MAGI2: variants seen among roughly 807,000 people sequenced by gnomAD.
MAGI2 encodes the protein membrane associated guanylate kinase, WW and PDZ domain containing 2.
Under a neutral mutation model 133.3 loss-of-function variants are expected in MAGI2, and 35 were observed. That is an observed-to-expected ratio of 0.26 (90% CI 0.20 to 0.35). The LOEUF (loss-of-function observed/expected upper bound fraction) is 0.35. MAGI2 is among the 10% of genes least tolerant of loss of function. The probability of loss-of-function intolerance (pLI) is 1.00; values close to 1 mark genes in which losing one functional copy is unlikely to be tolerated. For missense variants in MAGI2, 1,636 were observed against 1,863.4 expected (o/e 0.88, Z 2.25); for synonymous variants, 729 against 710.6 (o/e 1.03, Z -0.41).
chr7:78,712,532 A>G (rs1160657910), intron 2 of MAGI2, among the ~76,000 whole-genome samples: 5 of 152,214 alleles, frequency 3.3e-5, no homozygotes, highest in Non-Finnish European at 2.9e-5. Flanking sequence ...AGCTAAACTA[A>G]CCGGGGAAAG....
At chr7:78,190,272 G>A (rs947824806) in intron 12 of MAGI2, among the ~76,000 whole-genome samples, 9 of 152,044 alleles carry the variant, frequency 5.9e-5, no homozygotes, top group Non-Finnish European at 1.3e-4. Flanking sequence ...TCACTAATAA[G>A]CCTTTACCTC....
chr7:78,945,431 T>C (rs1227461755), intron 2 of MAGI2, among the ~76,000 whole-genome samples: 1 of 152,182 alleles, frequency 6.6e-6, no homozygotes, highest in Non-Finnish European at 1.5e-5. Context: ...TTGAAGCACA[T>C]ATACATTGTG....
chr7:79,339,580 C>T (rs766788229), intron 1 of MAGI2, among the ~76,000 whole-genome samples: 2 of 149,262 alleles, frequency 1.3e-5, no homozygotes, highest in Non-Finnish European at 3.0e-5. Flanking sequence ...ACTTTTTCTT[C>T]TAATCCACAC....
intron 2 of MAGI2, among the ~76,000 whole-genome samples, chr7:78,954,004 T>C (rs947454534): frequency 6.6e-6 from 1 of 152,186 alleles, no homozygotes; most frequent in East Asian, 1.9e-4. Flanking sequence ...AACAATCCCT[T>C]CCTGTAGTTA....
intron 6 of MAGI2, among the ~76,000 whole-genome samples, chr7:78,437,306 G>T (rs1478456499): frequency 3.3e-5 from 5 of 152,276 alleles, no homozygotes; most frequent in African/African-American, 9.6e-5. Flanking sequence ...ACAAGGTCTT[G>T]TTCTTTCTAC....
chr7:78,593,722 C>G (rs1804293504), intron 3 of MAGI2, among the ~76,000 whole-genome samples: 2 of 152,228 alleles, frequency 1.3e-5, no homozygotes, highest in African/African-American at 4.8e-5. Context: ...AACATGAAAG[C>G]AAAAGATACT....
At chr7:78,949,292 T>G (rs1371712877) in intron 2 of MAGI2, among the ~76,000 whole-genome samples, 2 of 152,194 alleles carry the variant, frequency 1.3e-5, no homozygotes, top group Admixed American at 6.5e-5. Flanking sequence ...TGCTTATTAT[T>G]GCTTGCTGTT....
At chr7:78,616,381 T>C (rs1807092536) in intron 3 of MAGI2, 1 of 152,160 alleles carries the variant, frequency 6.6e-6, no homozygotes, top group Admixed American at 6.6e-5. Context: ...ACAGAAATTT[T>C]AGGGAAGGGT....
intron 2 of MAGI2, among the ~76,000 whole-genome samples, chr7:78,869,926 T>C (rs1432133940): frequency 3.3e-5 from 5 of 152,188 alleles, no homozygotes; most frequent in Non-Finnish European, 4.4e-5. Context: ...ATTTCTGGGC[T>C]CTCTATTCTG....
At position 78,798,049 on chromosome 7, in the gene MAGI2, A is replaced by G. The variant is rs201594287; in HGVS notation, c.419-170810T>C. Among the ~76,000 whole-genome samples, 3 of 152,316 alleles carry G rather than the reference A, an allele frequency of 2.0e-5. No homozygotes were observed. The East Asian group carries it at 5.8e-4, about 29-fold the overall frequency. ...TTCAGTTTTCTCTAGGTAAGTGGAA[A>G]GGAGATACAAATGAACAAAAATATG... On this transcript the variant is annotated intron_variant, in intron 2 of 21. Transcript: ENST00000354212.
intron 6 of MAGI2, among the ~76,000 whole-genome samples, chr7:78,455,126 C>T (rs1275612154): frequency 6.6e-6 from 1 of 151,614 alleles, no homozygotes; most frequent in East Asian, 1.9e-4. Context: ...CACATTAATG[C>T]AAGATATTAA....
chr7:78,772,732 C>T (rs1585368972), intron 2 of MAGI2, among the ~76,000 whole-genome samples: 1 of 152,146 alleles, frequency 6.6e-6, no homozygotes, highest in Non-Finnish European at 1.5e-5. Context: ...AAATTATATG[C>T]TAACTGGCTG....
intron 2 of MAGI2, among the ~76,000 whole-genome samples, chr7:78,785,358 G>T (rs1023456228): frequency 1.3e-5 from 2 of 152,058 alleles, no homozygotes; most frequent in Non-Finnish European, 2.9e-5. Flanking sequence ...CATTTTTATT[G>T]GTTTTTACAG....
intron 6 of MAGI2, among the ~76,000 whole-genome samples, chr7:78,429,771 G>C (rs1179104608): frequency 6.6e-6 from 1 of 151,922 alleles, no homozygotes; most frequent in African/African-American, 2.4e-5. Flanking sequence ...AACTAGCTTT[G>C]TATAGCACTT....
At chr7:79,057,674 C>T (rs1344908747) in intron 1 of MAGI2, among the ~76,000 whole-genome samples, 1 of 152,060 alleles carries the variant, frequency 6.6e-6, no homozygotes, top group East Asian at 1.9e-4. Context: ...GCAGGTGCAG[C>T]ATAAGTTTGT....
chr7:78,939,769 C>A (rs1428660886), intron 2 of MAGI2: 1 of 152,114 alleles, frequency 6.6e-6, no homozygotes, highest in Non-Finnish European at 1.5e-5. Flanking sequence ...ATGTTTCTTG[C>A]ATCTAACATC....
At chr7:78,700,507 C>T (rs1817956050) in intron 2 of MAGI2, among the ~76,000 whole-genome samples, 1 of 152,064 alleles carries the variant, frequency 6.6e-6, no homozygotes, top group South Asian at 2.1e-4. Context: ...GCTCAACCTG[C>T]TAACTCTCAT....
At chr7:78,229,485 C>A (rs1331660090) in intron 10 of MAGI2, among the ~76,000 whole-genome samples, 1 of 152,152 alleles carries the variant, frequency 6.6e-6, no homozygotes, top group Non-Finnish European at 1.5e-5. Context: ...GAAGAAACCA[C>A]ATACTGGGCT....
intron 6 of MAGI2, among the ~76,000 whole-genome samples, chr7:78,437,363 G>A (rs145109847): frequency 6.6e-6 from 1 of 152,306 alleles, no homozygotes; most frequent in East Asian, 1.9e-4. Context: ...GGGGGAAGAA[G>A]TCATGCAAAA....
Sources: allele counts gnomAD v4.1 joint callset (sites outside exome capture counted in the v4.1 genomes callset), GRCh38; gene constraint gnomAD v4.1.1; transcripts MANE v1.5; gene names NCBI Gene and HGNC (gene_info 2026-07-23, HGNC 2026-07-21).